Variants in ACTR3C observed in about 807,000 individuals in gnomAD.
ACTR3C encodes actin related protein 3C, also known as actin-related protein 3C.
In ACTR3C, 18 loss-of-function variants were observed where a neutral mutation model predicts 26.3. That is an observed-to-expected ratio of 0.68 (90% CI 0.47 to 1.01). ACTR3C has a LOEUF of 1.01. ACTR3C is among the 50% of genes least tolerant of loss of function. The pLI is 0.00. For synonymous variants in ACTR3C, 55 were observed against 94.5 expected (o/e 0.58, Z 2.42); for missense variants, 184 against 250.7 (o/e 0.73, Z 1.80).
At chr7:149,915,518 T>TTTTTTTTG in the ACTR3C span, among the ~76,000 whole-genome samples, 30 of 17,164 alleles carry the variant, frequency 1.7e-3, no homozygotes, top group African/African-American at 3.4e-3. Context: ...GTCCATTTTG[T>TTTTTTTTG]TTTTTTTGTT....
intron 2 of ACTR3C, among the ~76,000 whole-genome samples, chr7:150,294,515 T>A (rs1836568923): frequency 6.6e-6 from 1 of 152,246 alleles, no homozygotes; most frequent in Admixed American, 6.5e-5. Flanking sequence ...GATCTGTAGT[T>A]AAATGAATTT....
chr7:149,908,558 T>G, the ACTR3C span, among the ~76,000 whole-genome samples: 1 of 152,172 alleles, frequency 6.6e-6, no homozygotes, highest in Non-Finnish European at 1.5e-5. Flanking sequence ...ATCAAGCACC[T>G]TCTCTCCAGC....
chr7:149,907,472 CT>C, the ACTR3C span, among the ~76,000 whole-genome samples: 982 of 91,904 alleles, frequency 0.011, 12 homozygotes, highest in Non-Finnish European at 0.017. Context: ...TCTTGCCTCT[CT>C]TCTCTTCTCT....
chr7:150,286,684 A>C (rs1835804242), intron 4 of ACTR3C, 144 bp from the exon 5 acceptor site: 4 of 1,046,224 alleles, frequency 3.8e-6, no homozygotes, highest in Non-Finnish European at 2.7e-6. Flanking sequence ...GATATGCATC[A>C]AGCCTCACAT....
the ACTR3C span, chr7:150,047,846 C>A: frequency 1.3e-6 from 2 of 1,508,886 alleles, no homozygotes; most frequent in Non-Finnish European, 8.9e-7. Context: ...TCTGGTACAG[C>A]GAAGCCATCG....
chr7:150,015,938 GT>G, the ACTR3C span, among the ~76,000 whole-genome samples: 1 of 152,190 alleles, frequency 6.6e-6, no homozygotes, highest in Non-Finnish European at 1.5e-5. Flanking sequence ...ATAGGATGAT[GT>G]TATGTGGTTT....
chr7:149,890,539 G>T, the ACTR3C span, among the ~76,000 whole-genome samples: 138 of 150,388 alleles, frequency 9.2e-4, no homozygotes, highest in Non-Finnish European at 1.4e-3. Flanking sequence ...CAATCATCTT[G>T]CTATGTCTCA....
At chr7:149,932,487 A>G in the ACTR3C span, among the ~76,000 whole-genome samples, 1 of 152,216 alleles carries the variant, frequency 6.6e-6, no homozygotes, top group Non-Finnish European at 1.5e-5. Context: ...TATGTAAATT[A>G]TACGTCAAGG....
chr7:149,944,853 G>A, the ACTR3C span, among the ~76,000 whole-genome samples: 1,103 of 151,450 alleles, frequency 7.3e-3, 11 homozygotes, highest in African/African-American at 0.025. Context: ...CAACAGTGTG[G>A]TTTCTGTGGA....
At chr7:149,929,165 C>T in the ACTR3C span, among the ~76,000 whole-genome samples, 1,645 of 152,186 alleles carry the variant, frequency 0.011, 33 homozygotes, top group African/African-American at 0.037. Context: ...CAGTGGCTCA[C>T]GCCTGTAATC....
At chr7:150,280,981 G>A (rs1380913691) in intron 6 of ACTR3C, among the ~76,000 whole-genome samples, 1 of 152,250 alleles carries the variant, frequency 6.6e-6, no homozygotes, top group Non-Finnish European at 1.5e-5. Context: ...GGCAGAGGGA[G>A]AGAGACGACC....
chr7:150,322,169 TAAG>T (rs1228505009), intron 1 of ACTR3C, among the ~76,000 whole-genome samples: 1 of 152,166 alleles, frequency 6.6e-6, no homozygotes, highest in Non-Finnish European at 1.5e-5. Flanking sequence ...GGTTAGGTGT[TAAG>T]GACTTGTGGG....
chr7:149,999,081 G>T, the ACTR3C span, among the ~76,000 whole-genome samples: 1 of 150,514 alleles, frequency 6.6e-6, no homozygotes, highest in African/African-American at 2.4e-5. Context: ...CGTGCTCCTG[G>T]AAGGCCTGAG....
chr7:150,117,672 C>T, the ACTR3C span, among the ~76,000 whole-genome samples: 5 of 152,246 alleles, frequency 3.3e-5, no homozygotes, highest in Admixed American at 3.3e-4. Context: ...CAGAATTAAA[C>T]ATTCCTGCCT....
At chr7:150,240,200 T>G (rs992461126), downstream of ACTR3C, among the ~76,000 whole-genome samples, 113 of 152,364 alleles carry the variant, frequency 7.4e-4, no homozygotes, top group African/African-American at 2.5e-3. Context: ...TAAACATACA[T>G]GACATGCAAA....
the ACTR3C span, among the ~76,000 whole-genome samples, chr7:149,931,340 G>A: frequency 1.4e-3 from 211 of 152,316 alleles, no homozygotes; most frequent in African/African-American, 4.8e-3. Flanking sequence ...GCCCGTCTTT[G>A]TCGGTTTCAT....
the ACTR3C span, among the ~76,000 whole-genome samples, chr7:149,932,344 C>T: frequency 6.6e-6 from 1 of 152,004 alleles, no homozygotes; most frequent in African/African-American, 2.4e-5. Flanking sequence ...TGGGAAGTGA[C>T]TGCTAATGGA....
chr7:150,270,993 A>G (rs1834407468), intron 6 of ACTR3C, among the ~76,000 whole-genome samples: 1 of 151,828 alleles, frequency 6.6e-6, no homozygotes, highest in African/African-American at 2.4e-5. Context: ...TCCCCTCCAC[A>G]GCAGAACACA....
chr7:149,914,151 A>T, the ACTR3C span, among the ~76,000 whole-genome samples: 10 of 151,722 alleles, frequency 6.6e-5, no homozygotes, highest in Non-Finnish European at 1.3e-4. Context: ...GGCCTCCCAA[A>T]GTGCTAGGAT....
Sources: allele counts gnomAD v4.1 joint callset (sites outside exome capture counted in the v4.1 genomes callset), GRCh38; gene constraint gnomAD v4.1.1; transcripts MANE v1.5; gene names NCBI Gene and HGNC (gene_info 2026-07-23, HGNC 2026-07-21).